ARHGAP6: variants seen among roughly 807,000 people sequenced by gnomAD.
ARHGAP6 encodes the protein Rho GTPase activating protein 6, also known as rho GTPase-activating protein 6.
In ARHGAP6, 16 loss-of-function variants were observed where a neutral mutation model predicts 55.7. The observed-to-expected ratio is 0.29, with a 90% confidence interval of 0.19 to 0.44. The LOEUF (loss-of-function observed/expected upper bound fraction) is 0.44. ARHGAP6 is among the 20% of genes least tolerant of loss of function. The pLI, the probability that ARHGAP6 is intolerant of heterozygous loss-of-function variation, is 1.00. For synonymous variants in ARHGAP6, 382 were observed against 360.9 expected, an observed-to-expected ratio of 1.06 and a Z score of -0.66; for missense variants, 698 against 808.9, an observed-to-expected ratio of 0.86 and a Z score of 1.66.
chrX:11,180,574 T>G, intron 6 of ARHGAP6, among the ~76,000 whole-genome samples: 1 of 111,620 alleles, frequency 9.0e-6, no homozygotes. Flanking sequence ...CAAAGTAAAA[T>G]GATGAGTGAG....
At chrX:11,188,595 A>G (rs1322274046) in intron 4 of ARHGAP6, 133 bp downstream of exon 4, 5 of 955,832 alleles carry the variant, frequency 5.2e-6, no homozygotes, top group Non-Finnish European at 7.1e-6. Context: ...CACATTCTTC[A>G]TTAATGGCAT....
chrX:11,286,885 T>C (rs2047928009), intron 1 of ARHGAP6, among the ~76,000 whole-genome samples: 1 of 111,806 alleles, frequency 8.9e-6, no homozygotes, highest in African/African-American at 3.3e-5. Context: ...AGGAAATAGA[T>C]TGGTAGTTGT....
chrX:11,348,207 GAA>G (rs959304740), intron 1 of ARHGAP6, among the ~76,000 whole-genome samples: 4 of 112,112 alleles, frequency 3.6e-5, no homozygotes, highest in Non-Finnish European at 7.5e-5. Context: ...CCTCAATTCT[GAA>G]AGTCTGTTAA....
intron 1 of ARHGAP6, among the ~76,000 whole-genome samples, chrX:11,344,710 GAAAGA>G (rs1555994746): frequency 2.6e-4 from 20 of 78,047 alleles, no homozygotes; most frequent in Non-Finnish European, 4.6e-4. Flanking sequence ...AAAAAGAAAA[GAAAGA>G]AAAGAAAAGA....
intron 1 of ARHGAP6, among the ~76,000 whole-genome samples, chrX:11,361,449 A>G (rs1486211883): frequency 9.0e-6 from 1 of 111,641 alleles, no homozygotes; most frequent in Non-Finnish European, 1.9e-5. Flanking sequence ...CTGGCTAGCC[A>G]TATGTAGAAA....
chrX:11,491,784 G>A (rs1019601804), intron 1 of ARHGAP6, among the ~76,000 whole-genome samples: 6 of 110,184 alleles, frequency 5.4e-5, no homozygotes, highest in South Asian at 3.9e-4. Context: ...CTGAGGAATC[G>A]CCACACTGAC....
intron 1 of ARHGAP6, among the ~76,000 whole-genome samples, chrX:11,452,437 C>T (rs191922521): frequency 9.8e-5 from 11 of 112,112 alleles, no homozygotes; most frequent in Non-Finnish European, 9.4e-5. Flanking sequence ...CATGAGCCAC[C>T]GCACCAGGCC....
chrX:11,477,118 T>C (rs1327924770), intron 1 of ARHGAP6, among the ~76,000 whole-genome samples: 1 of 106,290 alleles, frequency 9.4e-6, no homozygotes, highest in Non-Finnish European at 1.9e-5. Context: ...ATCTTACAAC[T>C]CAAAAATTGA....
At chrX:11,501,028 G>T (rs2050673060) in intron 1 of ARHGAP6, among the ~76,000 whole-genome samples, 1 of 111,897 alleles carries the variant, frequency 8.9e-6, no homozygotes, top group African/African-American at 3.2e-5. Context: ...TCTGTAAAGG[G>T]CCAGATAGTA....
intron 1 of ARHGAP6, among the ~76,000 whole-genome samples, chrX:11,391,166 G>A (rs890206787): frequency 1.7e-4 from 19 of 111,675 alleles, no homozygotes; most frequent in African/African-American, 5.9e-4. Flanking sequence ...CCTTTGTAGG[G>A]ACATGGATGA....
intron 1 of ARHGAP6, among the ~76,000 whole-genome samples, chrX:11,543,492 C>A (rs1238899457): frequency 8.9e-6 from 1 of 111,939 alleles, no homozygotes; most frequent in Non-Finnish European, 1.9e-5. Flanking sequence ...TCAATGCATG[C>A]AACAGCCACC....
chrX:11,173,376 A>T lies in ARHGAP6; in HGVS notation c.1630-3692T>A, dbSNP rs746830157. On this transcript the variant is annotated intron_variant, in intron 8 of 12. Transcript: ENST00000337414. ...GATTTGTAACTTCTTTTTTTGCCTCATAGACCCTTTGAGAACTCAATGCCA... is the reference window on the plus strand; with the variant it reads ...GATTTGTAACTTCTTTTTTTGCCTCTTAGACCCTTTGAGAACTCAATGCCA... Among the ~76,000 whole-genome samples the T allele has an allele frequency of 6.3e-5, 7 of 111,924 alleles. No homozygotes were observed. The East Asian group carries it at 8.5e-4, about 14-fold the overall frequency.
chrX:11,349,709 T>C (rs1171895051), intron 1 of ARHGAP6, among the ~76,000 whole-genome samples: 1 of 112,147 alleles, frequency 8.9e-6, no homozygotes, highest in African/African-American at 3.2e-5. Flanking sequence ...GGAGACCCAA[T>C]ACCCCAGACT....
chrX:11,446,822 T>C, intron 1 of ARHGAP6, among the ~76,000 whole-genome samples: 1 of 111,984 alleles, frequency 8.9e-6, no homozygotes, highest in Middle Eastern at 4.6e-3. Context: ...TAGGGAAGTA[T>C]ATCTCACTTC....
chrX:11,301,651 GA>G (rs1302865336), intron 1 of ARHGAP6, among the ~76,000 whole-genome samples: 3 of 111,741 alleles, frequency 2.7e-5, no homozygotes, highest in Non-Finnish European at 5.6e-5. Context: ...TTTAAAGGTA[GA>G]AAAGCTTTTA....
intron 1 of ARHGAP6, among the ~76,000 whole-genome samples, chrX:11,352,439 G>T (rs970261354): frequency 8.9e-6 from 1 of 111,881 alleles, no homozygotes; most frequent in South Asian, 3.8e-4. Context: ...AAGAAGTAGG[G>T]CCTCCCTTAT....
chrX:11,493,822 C>T (rs1211927004), intron 1 of ARHGAP6, among the ~76,000 whole-genome samples: 1 of 98,523 alleles, frequency 1.0e-5, no homozygotes, highest in East Asian at 3.5e-4. Context: ...ATTTCCCATA[C>T]AAAACAGAAT....
chrX:11,532,674 C>T lies in ARHGAP6; in HGVS notation c.588+131567G>A, dbSNP rs751724052. Among the ~76,000 whole-genome samples, 82 of 71,785 alleles carry T rather than the reference C, an allele frequency of 1.1e-3. 1 individual carries two copies. The highest frequency in any genetic ancestry group is 3.9e-3 in the South Asian group (4 of 1,024). The allele number at this position is 71,785 out of a possible 115,157, so 62.3% of individuals were successfully genotyped here. A position where few individuals can be genotyped will look rare whatever the true frequency, so the allele number is the denominator to read the frequency against. ...AAAAGAAGACTATTTCATGAAAAACCTATCAAATTCCAATCTCAGCATTAA... is the reference window on the plus strand; with the variant it reads ...AAAAGAAGACTATTTCATGAAAAACTTATCAAATTCCAATCTCAGCATTAA... On this transcript the variant is annotated intron_variant, in intron 1 of 12. Coordinates refer to ENST00000337414, the MANE Select transcript of ARHGAP6 (RefSeq NM_013427.3).
rs2045863572 is a variant in ARHGAP6 at position 11,156,461 on chromosome X, C to T, written c.1907+68G>A. 1.2e-5 allele frequency: 12 copies of T among 1,038,889 alleles called. No individual in the cohort carries two copies. The South Asian group carries it at 2.1e-4, about 18-fold the overall frequency. The allele number at this position is 1,038,889 out of a possible 1,213,427, so 85.6% of individuals were successfully genotyped here. A position where few individuals can be genotyped will look rare whatever the true frequency, so the allele number is the denominator to read the frequency against. ...CTGCATGTACTTATGTAAACCTTTCCAATTTCTCAGAAATGGAAATAGAAA... is the reference window on the plus strand; with the variant it reads ...CTGCATGTACTTATGTAAACCTTTCTAATTTCTCAGAAATGGAAATAGAAA... On this transcript the variant is annotated intron_variant, in intron 10 of 12. Transcript: ENST00000337414.
Sources: allele counts gnomAD v4.1 joint callset (sites outside exome capture counted in the v4.1 genomes callset), GRCh38; gene constraint gnomAD v4.1.1; transcripts MANE v1.5; gene names NCBI Gene and HGNC (gene_info 2026-07-23, HGNC 2026-07-21).